The following PICALM variants were observed in gnomAD, a reference collection of about 807,000 sequenced individuals.
PICALM encodes phosphatidylinositol-binding clathrin assembly protein.
In PICALM, 40 loss-of-function variants were observed where a neutral mutation model predicts 80.5. That is an observed-to-expected ratio of 0.50 (90% CI 0.39 to 0.65). PICALM has a LOEUF of 0.65. PICALM is among the 30% of genes least tolerant of loss of function. The probability of loss-of-function intolerance (pLI) is 0.00; values close to 1 mark genes in which losing one functional copy is unlikely to be tolerated. For missense variants in PICALM, 676 were observed against 778.9 expected (o/e 0.87, Z 1.57); for synonymous variants, 288 against 260.3 (o/e 1.11, Z -1.02).
chr11:86,026,247 G>T, intron 3 of PICALM, 45 bp downstream of exon 3: 2 of 995,116 alleles, frequency 2.0e-6, no homozygotes, highest in South Asian at 2.6e-5. Context: ...ATCATCATGT[G>T]GGTGTCATTC....
chr11:86,009,292 C>CAAAA (rs10557244), intron 7 of PICALM, among the ~76,000 whole-genome samples: 17 of 41,640 alleles, frequency 4.1e-4, no homozygotes, highest in South Asian at 1.4e-3. Context: ...GTCTCTGTCT[C>CAAAA]AAAAAAAAAA....
At chr11:85,985,627 G>A (rs585820) in intron 13 of PICALM, among the ~76,000 whole-genome samples, 124,092 of 152,126 alleles carry the variant, frequency 0.82, 50,815 homozygotes, top group African/African-American at 0.89. Flanking sequence ...AGTGTGCAAG[G>A]TGTTTAAGAA....
intron 1 of PICALM, among the ~76,000 whole-genome samples, chr11:86,037,352 C>T (rs1305473952): frequency 1.3e-5 from 2 of 149,024 alleles, no homozygotes; most frequent in African/African-American, 5.0e-5. Context: ...CTTTGCCACC[C>T]AGGTTCATGC....
chr11:86,059,160 A>G (rs1023530175), intron 1 of PICALM, among the ~76,000 whole-genome samples: 2 of 152,220 alleles, frequency 1.3e-5, no homozygotes, highest in African/African-American at 4.8e-5. Flanking sequence ...TTAAATGTCT[A>G]CTGGCATAGA....
At chr11:85,998,433 A>G (rs1166217989) in intron 11 of PICALM, among the ~76,000 whole-genome samples, 1 of 151,952 alleles carries the variant, frequency 6.6e-6, no homozygotes, top group African/African-American at 2.4e-5. Flanking sequence ...ATTTTAATGA[A>G]CAACTCAAAA....
intron 8 of PICALM, chr11:86,003,686 T>C: frequency 3.0e-6 from 1 of 332,216 alleles, no homozygotes; most frequent in Non-Finnish European, 5.4e-6. Flanking sequence ...GAAAACTATG[T>C]AAACATGAAA....
intron 1 of PICALM, among the ~76,000 whole-genome samples, chr11:86,044,407 C>T (rs185504486): frequency 7.9e-4 from 120 of 152,308 alleles, no homozygotes; most frequent in African/African-American, 2.9e-3. Flanking sequence ...TCTGCTCCAC[C>T]TGTGCCAAAC....
intron 4 of PICALM, among the ~76,000 whole-genome samples, chr11:86,016,554 C>T (rs1010240610): frequency 1.3e-5 from 2 of 152,146 alleles, no homozygotes; most frequent in Non-Finnish European, 2.9e-5. Context: ...TTTCTTGCAC[C>T]TCTTTTCTTC....
At chr11:85,986,963 G>A (rs896275380) in intron 13 of PICALM, among the ~76,000 whole-genome samples, 1 of 152,146 alleles carries the variant, frequency 6.6e-6, no homozygotes, top group African/African-American at 2.4e-5. Flanking sequence ...TGGCCTGCAG[G>A]TTAAATCTCA....
intron 1 of PICALM, among the ~76,000 whole-genome samples, chr11:86,066,373 T>C (rs2096448215): frequency 6.6e-6 from 1 of 152,186 alleles, no homozygotes; most frequent in Non-Finnish European, 1.5e-5. Context: ...CATATATTTT[T>C]AAATCAAATA....
intron 8 of PICALM, among the ~76,000 whole-genome samples, chr11:86,006,264 T>C (rs944516951): frequency 5.3e-5 from 8 of 152,186 alleles, no homozygotes; most frequent in African/African-American, 1.7e-4. Flanking sequence ...ACTAGATTTA[T>C]TGCATACTCT....
chr11:86,017,958 TA>T (rs1464292631), intron 4 of PICALM, among the ~76,000 whole-genome samples: 1 of 152,206 alleles, frequency 6.6e-6, no homozygotes, highest in Non-Finnish European at 1.5e-5. Flanking sequence ...GGCAAAATGC[TA>T]AAAACTGGTG....
chr11:85,981,402 T>C (rs956777610), intron 16 of PICALM, among the ~76,000 whole-genome samples, 174 bp from the exon 17 acceptor site: 3 of 151,956 alleles, frequency 2.0e-5, no homozygotes, highest in African/African-American at 4.8e-5. Context: ...GGTCAGGAGA[T>C]TGAGACCAAC....
intron 19 of PICALM, among the ~76,000 whole-genome samples, chr11:85,959,909 T>C (rs1343403913): frequency 3.3e-5 from 5 of 152,100 alleles, no homozygotes; most frequent in African/African-American, 7.2e-5. Flanking sequence ...AATAGAGGAA[T>C]AGCATGTGGA....
At chr11:86,054,569 G>A (rs913619540) in intron 1 of PICALM, among the ~76,000 whole-genome samples, 1 of 152,088 alleles carries the variant, frequency 6.6e-6, no homozygotes, top group Non-Finnish European at 1.5e-5. Context: ...CTTATCATCT[G>A]CAAATCACCA....
At chr11:86,023,474 G>A in intron 3 of PICALM, 2 of 985,022 alleles carry the variant, frequency 2.0e-6, no homozygotes, top group Non-Finnish European at 1.2e-6. Context: ...CGGTTCATAT[G>A]GTTCTATCTA....
chr11:85,986,642 G>A (rs2942821), intron 13 of PICALM, among the ~76,000 whole-genome samples: 32,997 of 150,960 alleles, frequency 0.22, 3,851 homozygotes, highest in African/African-American at 0.31. Flanking sequence ...CACCCGCCTC[G>A]GCCTCCCAGA....
chr11:86,014,886 G>C lies in PICALM; in HGVS notation c.530C>G (p.Ala177Gly). The C allele has an allele frequency of 2.6e-6, 4 of 1,542,868 alleles. No individual in the cohort carries two copies. Among genetic ancestry groups the C allele is most frequent in the Non-Finnish European group, 3.6e-6 (4 of 1,123,574 alleles). ...TVPIIQNQMD[A>G]LLDFNVNSNE... ...ATAACTCACATTAAAATCAAGAAGT[G>C]CATCCATCTGATTCTGAATAATTGG... Residue 177 changes from alanine (A) to glycine (G), a missense_variant, in exon 5 of 20, where the codon GCA becomes GGA. By Grantham distance (60) the Ala-to-Gly change is moderately conservative (BLOSUM62 0). Around this residue, in one of 2 missense-constraint regions of PICALM, gnomAD observed 285 missense variants for 395.4 expected, o/e 0.72. Coordinates refer to ENST00000393346, the MANE Select transcript of PICALM (RefSeq NM_007166.4).
intron 14 of PICALM, 92 bp from the exon 15 acceptor site, chr11:85,982,095 A>T: frequency 8.7e-7 from 1 of 1,154,932 alleles, no homozygotes; most frequent in South Asian, 1.3e-5. Context: ...CTCCTTGTTT[A>T]TTCACTGGAA....
Sources: allele counts gnomAD v4.1 joint callset (sites outside exome capture counted in the v4.1 genomes callset), GRCh38; gene constraint gnomAD v4.1.1; regional missense constraint gnomAD v4.1.1; transcripts MANE v1.5; gene names NCBI Gene and HGNC (gene_info 2026-07-23, HGNC 2026-07-21).